The following RGS6 variants were observed in gnomAD, a reference collection of about 807,000 sequenced individuals.
RGS6 encodes the protein regulator of G protein signaling 6, also known as regulator of G-protein signaling 6.
In RGS6, 30 loss-of-function variants were observed where a neutral mutation model predicts 78.5. The observed-to-expected ratio is 0.38, with a 90% confidence interval of 0.29 to 0.52. RGS6 has a LOEUF of 0.52. Among genes scored for constraint, RGS6 ranks in the 20% least tolerant of loss-of-function variants. The probability of loss-of-function intolerance (pLI) is 0.85; values close to 1 mark genes in which losing one functional copy is unlikely to be tolerated. For missense variants in RGS6, 495 were observed against 609.7 expected (o/e 0.81, Z 1.98); for synonymous variants, 206 against 206.0 (o/e 1.00, Z 0.00).
chr14:72,018,345 G>T (rs2190868), intron 2 of RGS6, among the ~76,000 whole-genome samples: 137,806 of 152,184 alleles, frequency 0.91, 62,617 homozygotes, highest in East Asian at 0.98. Flanking sequence ...GCTAGAATCC[G>T]CCCCTTTGAT....
chr14:71,874,956 C>T, the RGS6 span, among the ~76,000 whole-genome samples: 5 of 152,100 alleles, frequency 3.3e-5, no homozygotes, highest in Non-Finnish European at 7.4e-5. Context: ...TACTGATTTG[C>T]GTATGTTGAA....
intron 2 of RGS6, among the ~76,000 whole-genome samples, chr14:72,295,087 C>A (rs575469771): frequency 1.8e-4 from 27 of 151,888 alleles, no homozygotes; most frequent in African/African-American, 6.5e-4. Context: ...GTCAGGAGAT[C>A]GAGACCATCC....
chr14:72,311,999 A>G (rs2068737287), intron 2 of RGS6, among the ~76,000 whole-genome samples: 1 of 152,216 alleles, frequency 6.6e-6, no homozygotes, highest in Non-Finnish European at 1.5e-5. Context: ...CTCCAGCCTT[A>G]GGATTTCTGG....
At chr14:72,223,583 C>T (rs2047392137) in intron 2 of RGS6, among the ~76,000 whole-genome samples, 3 of 152,168 alleles carry the variant, frequency 2.0e-5, no homozygotes, top group Non-Finnish European at 4.4e-5. Context: ...GTAGATAAAT[C>T]TGGAAAGTTT....
chr14:72,127,606 T>C (rs1255248939), intron 2 of RGS6, among the ~76,000 whole-genome samples: 1 of 152,134 alleles, frequency 6.6e-6, no homozygotes, highest in Non-Finnish European at 1.5e-5. Flanking sequence ...TAACCAGGGC[T>C]TAAAAAAAAC....
intron 17 of RGS6, chr14:72,541,037 A>T (rs1159975788): frequency 2.3e-6 from 3 of 1,318,782 alleles, no homozygotes; most frequent in Non-Finnish European, 3.0e-6. Flanking sequence ...CTCAGTGCAC[A>T]AGAAATACTC....
intron 2 of RGS6, among the ~76,000 whole-genome samples, chr14:71,965,854 A>T (rs1278423015): frequency 2.0e-5 from 3 of 152,214 alleles, no homozygotes; most frequent in African/African-American, 7.2e-5. Flanking sequence ...AGAGAAACTG[A>T]TAAGAGGAAT....
rs2096680748 is a variant in RGS6, at chr14:72,498,894, T to C, written c.965+3632T>C. 2.0e-5 allele frequency among the ~76,000 whole-genome samples: 3 copies of C among 152,270 alleles called. No individual in the cohort carries two copies. In the South Asian group the frequency reaches 6.2e-4, roughly 32 times the overall value. ...GCAGGGCTGCACCTGAATGTATGAATGGATGGGCATAGATCAATTGCCAAG... is the reference window on the plus strand; with the variant it reads ...GCAGGGCTGCACCTGAATGTATGAACGGATGGGCATAGATCAATTGCCAAG... On this transcript the variant is annotated intron_variant, in intron 13 of 17. Coordinates refer to ENST00000553525, the MANE Select transcript of RGS6 (RefSeq NM_001204424.2).
intron 2 of RGS6, among the ~76,000 whole-genome samples, chr14:72,312,181 C>CG (rs2068784874): frequency 2.0e-5 from 3 of 150,260 alleles, no homozygotes; most frequent in Admixed American, 2.0e-4. Flanking sequence ...GGTATTAAAG[C>CG]TTCTACATGA....
intron 15 of RGS6, among the ~76,000 whole-genome samples, chr14:72,529,175 G>A (rs1157499): frequency 0.021 from 3,143 of 152,306 alleles, 103 homozygotes; most frequent in African/African-American, 0.07. Flanking sequence ...AAGAGTCACA[G>A]ATCCCTAGGC....
At chr14:72,481,402 A>G (rs771545342) in intron 12 of RGS6, among the ~76,000 whole-genome samples, 1 of 152,160 alleles carries the variant, frequency 6.6e-6, no homozygotes, top group Non-Finnish European at 1.5e-5. Context: ...TGCTAATGCA[A>G]TTCTTTCCTG....
At chr14:72,036,115 A>G (rs2091656521) in intron 2 of RGS6, among the ~76,000 whole-genome samples, 1 of 152,026 alleles carries the variant, frequency 6.6e-6, no homozygotes, top group Admixed American at 6.6e-5. Context: ...CATAAATGAA[A>G]TCCTACCGTA....
intron 2 of RGS6, among the ~76,000 whole-genome samples, chr14:72,056,251 C>T (rs979447842): frequency 2.0e-5 from 3 of 152,186 alleles, no homozygotes; most frequent in African/African-American, 7.2e-5. Flanking sequence ...CCCTAGGGGA[C>T]TAGCCTTTGC....
At chr14:72,610,719 G>A in the RGS6 span, among the ~76,000 whole-genome samples, 3 of 152,290 alleles carry the variant, frequency 2.0e-5, no homozygotes, top group East Asian at 5.8e-4. Context: ...AGGGCAGGTG[G>A]GAGATGGAGC....
chr14:72,485,636 T>G lies in RGS6; in HGVS notation c.854+7307T>G, dbSNP rs142703277. On this transcript the variant is annotated intron_variant, in intron 12 of 17. Transcript: ENST00000553525. Reference sequence around the variant, plus strand: ...CCATCACCTTCATTCCCTTTTCAACTGTATTGGTTTGATTCCAAGCAATAA... The same window carrying G: ...CCATCACCTTCATTCCCTTTTCAACGGTATTGGTTTGATTCCAAGCAATAA... Among the ~76,000 whole-genome samples the G allele has an allele frequency of 6.4e-3, 977 of 152,304 alleles. 6 individuals carry two copies. Among genetic ancestry groups the G allele is most frequent in the African/African-American group, 0.023 (935 of 41,554 alleles).
intron 2 of RGS6, among the ~76,000 whole-genome samples, chr14:72,026,375 C>G (rs2089855654): frequency 6.6e-6 from 1 of 151,888 alleles, no homozygotes; most frequent in South Asian, 2.1e-4. Context: ...CCACTGCACT[C>G]TAGCCTGGGT....
chr14:72,413,307 C>G (rs902190436), intron 3 of RGS6, among the ~76,000 whole-genome samples: 1 of 152,186 alleles, frequency 6.6e-6, no homozygotes. Flanking sequence ...GAATTGATCC[C>G]TTTAGCATTA....
chr14:72,146,284 G>T lies in RGS6; in HGVS notation c.84+181409G>T, dbSNP rs569642688. Among the ~76,000 whole-genome samples, 5 of 152,322 alleles carry T rather than the reference G, an allele frequency of 3.3e-5. No homozygotes were observed. In the South Asian group the frequency reaches 1.0e-3, roughly 32 times the overall value. ...ACCTCTCAACACTCTTGCATTGGGG[G>T]TTAAGTTTCCAACTCATGAACTTCA... On this transcript the variant is annotated intron_variant, in intron 2 of 17. Coordinates refer to ENST00000553525, the MANE Select transcript of RGS6 (RefSeq NM_001204424.2).
At chr14:72,591,521 A>G in the RGS6 span, among the ~76,000 whole-genome samples, 4 of 152,212 alleles carry the variant, frequency 2.6e-5, no homozygotes, top group African/African-American at 9.6e-5. Flanking sequence ...TCCGCGTGGT[A>G]CCAGGCACCT....
Sources: gnomAD v4.1 joint callset for allele counts (sites outside exome capture counted in the v4.1 genomes callset) on GRCh38, gnomAD v4.1.1 for gene constraint, MANE v1.5 for transcripts, NCBI Gene and HGNC (gene_info 2026-07-23, HGNC 2026-07-21) for gene names.